The following ZNF599 variants were observed in gnomAD, a reference collection of about 807,000 sequenced individuals.
ZNF599 encodes zinc finger protein 599.
ZNF599 carries 10 observed loss-of-function variants against 11.7 expected under a neutral mutation model. The observed-to-expected ratio is 0.86, with a 90% CI of 0.53 to 1.45. The LOEUF is 1.45. Ranked by LOEUF, ZNF599 falls within the 40% of genes most tolerant of loss-of-function variation. ZNF599 has a pLI of 0.00. For missense variants in ZNF599, 688 were observed against 713.6 expected, an observed-to-expected ratio of 0.96 and a Z score of 0.41; for synonymous variants, 232 against 253.2, an observed-to-expected ratio of 0.92 and a Z score of 0.79.
At chr19:34,779,314 T>C in the ZNF599 span, 1 of 206,226 alleles carries the variant, frequency 4.8e-6, no homozygotes, top group Non-Finnish European at 9.5e-6. Context: ...TTGTCCAGGC[T>C]GGTCTCAAAC....
In ZNF599 at chr19:34,759,682, T is replaced by C. The variant is rs1395220583; in HGVS notation, c.1119A>G (p.Gly373=). ...AGGATGAGTTGAGGCAAAAGGTTTT[T>C]CCACATTCTTTACATAAAAATGGTT... ...GEKPFLCKEC[G]KTFCLNSSFT... is the part of the protein sequence containing the mutation. Residue 373 remains glycine (G), a synonymous_variant, in exon 4 of 4, where the codon GGA becomes GGG. Coordinates refer to ENST00000329285, the MANE Select transcript of ZNF599 (RefSeq NM_001007248.3). The C allele has an allele frequency of 1.2e-6, 2 of 1,614,024 alleles. No individual in the cohort carries two copies. The highest frequency in any genetic ancestry group is 8.5e-7 in the Non-Finnish European group (1 of 1,180,020).
At chr19:34,797,942 G>GC in the ZNF599 span, among the ~76,000 whole-genome samples, 1 of 152,190 alleles carries the variant, frequency 6.6e-6, no homozygotes, top group Non-Finnish European at 1.5e-5. Context: ...ATGAACAGGC[G>GC]CCCCCATGCA....
intron 1 of ZNF599, among the ~76,000 whole-genome samples, chr19:34,770,735 A>C (rs1011904255): frequency 1.3e-5 from 2 of 152,124 alleles, no homozygotes; most frequent in Non-Finnish European, 2.9e-5. Flanking sequence ...TGAGAATGGG[A>C]TGTTGGCATG....
the ZNF599 span, among the ~76,000 whole-genome samples, chr19:34,792,719 T>C: frequency 2.2e-4 from 33 of 151,868 alleles, no homozygotes; most frequent in South Asian, 6.1e-3. Flanking sequence ...AAAAATTAGC[T>C]GGGCGTGGTG....
intron 1 of ZNF599, 146 bp downstream of exon 1, chr19:34,772,678 C>A: frequency 7.4e-6 from 11 of 1,476,930 alleles, no homozygotes; most frequent in Non-Finnish European, 9.8e-6. Flanking sequence ...TAGCCCTGCC[C>A]TCTCACCTCA....
chr19:34,802,505 C>T, the ZNF599 span, among the ~76,000 whole-genome samples: 1 of 152,202 alleles, frequency 6.6e-6, no homozygotes. Context: ...CATCTCACAA[C>T]ACAGTATGTG....
At position 34,767,301 on chromosome 19, in the gene ZNF599, C is replaced by A; in HGVS notation, c.241+15G>T. 1 of 1,610,802 alleles carries A rather than the reference C, an allele frequency of 6.2e-7. No homozygotes were observed. Among genetic ancestry groups the A allele is most frequent in the Non-Finnish European group, 8.5e-7 (1 of 1,177,088 alleles). On this transcript the variant is annotated intron_variant, in intron 3 of 3. Coordinates refer to ENST00000329285, the MANE Select transcript of ZNF599 (RefSeq NM_001007248.3). ...GGCTGCCCTGATACCCGCTGCCAGA[C>A]TCTCAGTCACCAACCTGCGCAGGTG...
chr19:34,780,446 C>T, the ZNF599 span, among the ~76,000 whole-genome samples: 1 of 151,876 alleles, frequency 6.6e-6, no homozygotes. Context: ...GAGGTTGAGG[C>T]TGCAGCTGTA....
the ZNF599 span, among the ~76,000 whole-genome samples, chr19:34,794,973 T>G: frequency 6.6e-6 from 1 of 152,066 alleles, no homozygotes; most frequent in South Asian, 2.1e-4. Flanking sequence ...TTTGAAGGAG[T>G]AAAAATCTCT....
In ZNF599 at chr19:34,773,006, CAG is replaced by C; in HGVS notation, c.-167_-166del. The C allele has an allele frequency of 1.2e-6, 1 of 812,912 alleles. No individual in the cohort carries two copies. Among genetic ancestry groups the C allele is most frequent in the Non-Finnish European group, 1.8e-6 (1 of 554,558 alleles). 50.4% of individuals were successfully genotyped at this position (812,912 alleles called of 1,614,324 possible). A position where few individuals can be genotyped will look rare whatever the true frequency, so the allele number is the denominator to read the frequency against. On this transcript the variant is annotated 5_prime_UTR_variant, in exon 1 of 4. The change abolishes the stop of an existing upstream ORF in the 5' untranslated region. Transcript: ENST00000329285. ...GCCGCCTCTGCGCGCCGTGAGGACA[CAG>C]GGCTGTCGCCAAGGCCCCAGGAAGG...
chr19:34,774,655 T>C (rs951130759), upstream of ZNF599, among the ~76,000 whole-genome samples: 2 of 152,224 alleles, frequency 1.3e-5, no homozygotes, highest in Non-Finnish European at 2.9e-5. Flanking sequence ...GATAAGTCCT[T>C]GGCCATTTTC....
intron 3 of ZNF599, chr19:34,763,451 G>A (rs62124168): frequency 0.33 from 49,991 of 151,740 alleles, 8,447 homozygotes; most frequent in African/African-American, 0.39. Context: ...ACTGAAGGTC[G>A]GGAGTTCAAG....
Position 34,758,924 on chromosome 19 carries a change from T to A in ZNF599, c.*110A>T, listed in dbSNP as rs950295595. 2 of 1,167,212 alleles carry A rather than the reference T, an allele frequency of 1.7e-6. No homozygotes were observed. Among genetic ancestry groups the A allele is most frequent in the Non-Finnish European group, 2.4e-6 (2 of 823,998 alleles). The allele number at this position is 1,167,212 out of a possible 1,614,324, so 72.3% of individuals were successfully genotyped here. A position where few individuals can be genotyped will look rare whatever the true frequency, so the allele number is the denominator to read the frequency against. On this transcript the variant is annotated 3_prime_UTR_variant, in exon 4 of 4. Transcript: ENST00000329285. ...GTATAAATTATCAGATACTAAGACATCTCTCTGGCCAAAATATTTCCCTCA... is the reference window on the plus strand; with the variant it reads ...GTATAAATTATCAGATACTAAGACAACTCTCTGGCCAAAATATTTCCCTCA...
Position 34,760,170 on chromosome 19 carries a change from T to G in ZNF599, c.631A>C (p.Lys211Gln), listed in dbSNP as rs774526636. 2.4e-5 allele frequency: 38 copies of G among 1,614,068 alleles called. No individual in the cohort carries two copies. Among genetic ancestry groups the G allele is most frequent in the Non-Finnish European group, 3.0e-5 (35 of 1,180,032 alleles). ...CTECGKGFSK[K>Q]WALVRHQQIH... Reference sequence around the variant, plus strand: ...TGTTGATGCCGAACAAGGGCCCACTTCTTGCTAAACCCTTTCCCACATTCC... The same window carrying G: ...TGTTGATGCCGAACAAGGGCCCACTGCTTGCTAAACCCTTTCCCACATTCC... The change falls in exon 4 of 4, where the codon AAG becomes CAG. Residue 211 changes from lysine to glutamine, a missense_variant. By Grantham distance (53) the Lys-to-Gln change is moderately conservative (BLOSUM62 1). Coordinates refer to ENST00000329285, the MANE Select transcript of ZNF599 (RefSeq NM_001007248.3).
chr19:34,779,660 T>A, the ZNF599 span: 1 of 317,476 alleles, frequency 3.1e-6, no homozygotes, highest in East Asian at 1.0e-4. Flanking sequence ...AATGTGGATT[T>A]GCTGATGCTG....
the ZNF599 span, among the ~76,000 whole-genome samples, chr19:34,784,820 T>G: frequency 6.6e-6 from 1 of 151,546 alleles, no homozygotes; most frequent in Non-Finnish European, 1.5e-5. Context: ...TCATGGCCAG[T>G]GATTTGCCGA....
chr19:34,768,026 C>T (rs2069156707), intron 2 of ZNF599, among the ~76,000 whole-genome samples: 1 of 152,234 alleles, frequency 6.6e-6, no homozygotes, highest in Non-Finnish European at 1.5e-5. Context: ...AAGGCTAAGA[C>T]AGAAGACTCT....
At chr19:34,761,568 A>G (rs920024232) in intron 3 of ZNF599, among the ~76,000 whole-genome samples, 4 of 152,232 alleles carry the variant, frequency 2.6e-5, no homozygotes, top group Non-Finnish European at 5.9e-5. Context: ...AGGCAGTGTG[A>G]TTAGGCATAG....
rs1347017634 is a variant in ZNF599, at chr19:34,765,608, GGAT to G, written c.241+1705_241+1707del. 4.3e-6 allele frequency: 3 copies of G among 702,990 alleles called. No homozygotes were observed. In the African/African-American group the frequency reaches 5.2e-5, roughly 12 times the overall value. The allele number at this position is 702,990 out of a possible 1,614,324, so 43.5% of individuals were successfully genotyped here. A position where few individuals can be genotyped will look rare whatever the true frequency, so the allele number is the denominator to read the frequency against. ...CTGCTGGAGAAATTAGCCATGGCCA[GGAT>G]GATAACTCTTCCACAGAAGTGAGAA... On this transcript the variant is annotated intron_variant, in intron 3 of 3. Transcript: ENST00000329285.
Sources: gnomAD v4.1 joint callset for allele counts (sites outside exome capture counted in the v4.1 genomes callset) on GRCh38, gnomAD v4.1.1 for gene constraint, MANE v1.5 for transcripts, NCBI Gene and HGNC (gene_info 2026-07-23, HGNC 2026-07-21) for gene names.